Variants in IGHMBP2 observed in about 807,000 individuals in gnomAD.
IGHMBP2 encodes the protein DNA-binding protein SMUBP-2.
In IGHMBP2, 81 loss-of-function variants were observed where a neutral mutation model predicts 96.0. The observed-to-expected ratio is 0.84, with a 90% CI of 0.71 to 1.01. The LOEUF is 1.01. IGHMBP2 is among the 50% of genes least tolerant of loss of function. The pLI is 0.00. For missense variants in IGHMBP2, 1,227 were observed against 1,306.3 expected (o/e 0.94, Z 0.94); for synonymous variants, 557 against 548.9 (o/e 1.01, Z -0.21).
chr11:68,908,376 C>G, intron 3 of IGHMBP2, 39 bp downstream of exon 3: 2 of 1,577,248 alleles, frequency 1.3e-6, no homozygotes, highest in Non-Finnish European at 1.7e-6. Flanking sequence ...TACCATCTTC[C>G]TTCAACACAG....
chr11:68,916,725 T>A (rs960140171), intron 6 of IGHMBP2, among the ~76,000 whole-genome samples: 3 of 152,028 alleles, frequency 2.0e-5, no homozygotes, highest in African/African-American at 7.2e-5. Flanking sequence ...GCTGCTTGCA[T>A]GGCAGCGTGG....
chr11:68,929,916 C>T (rs182450351), intron 8 of IGHMBP2: 189 of 975,918 alleles, frequency 1.9e-4, no homozygotes, highest in East Asian at 4.6e-4. Context: ...GACACTGGAG[C>T]CCTGATGCAG....
chr11:68,911,921 C>T (rs577685800), intron 5 of IGHMBP2, among the ~76,000 whole-genome samples: 9 of 152,314 alleles, frequency 5.9e-5, no homozygotes, highest in South Asian at 2.1e-4. Flanking sequence ...CGTGCTCCTC[C>T]GTGTGCACGC....
At position 68,904,911 on chromosome 11, in the gene IGHMBP2, G is replaced by C. The variant is rs1374240012; in HGVS notation, c.86+873G>C. 4.6e-5 allele frequency among the ~76,000 whole-genome samples: 7 copies of C among 150,568 alleles called. No homozygotes were observed. In the East Asian group the frequency reaches 9.8e-4, roughly 21 times the overall value. On this transcript the variant is annotated intron_variant, in intron 1 of 14. Transcript: ENST00000255078. ...TCTCCCGGGTTCAAGCGATTCTCCTGCCTCAGCCTCCTGAGTGGCTGGGAC... is the reference window on the plus strand; with the variant it reads ...TCTCCCGGGTTCAAGCGATTCTCCTCCCTCAGCCTCCTGAGTGGCTGGGAC...
intron 4 of IGHMBP2, 58 bp downstream of exon 4, chr11:68,908,689 A>G: frequency 8.3e-7 from 1 of 1,206,002 alleles, no homozygotes. Context: ...TATAGAGAAC[A>G]GTGTGACCTT....
intron 7 of IGHMBP2, 137 bp from the exon 8 acceptor site, chr11:68,929,046 C>T: frequency 2.3e-6 from 2 of 864,320 alleles, no homozygotes; most frequent in Non-Finnish European, 3.8e-6. Flanking sequence ...GTTTTTATTA[C>T]AAGATACAAA....
chr11:68,925,233 C>T (rs1859022263), intron 7 of IGHMBP2, among the ~76,000 whole-genome samples: 2 of 151,272 alleles, frequency 1.3e-5, no homozygotes, highest in African/African-American at 4.9e-5. Flanking sequence ...GCAGCCTCCT[C>T]CTCCCGGGTT....
intron 7 of IGHMBP2, among the ~76,000 whole-genome samples, chr11:68,921,319 G>A (rs1033028622): frequency 4.6e-5 from 7 of 151,858 alleles, no homozygotes; most frequent in South Asian, 2.1e-4. Flanking sequence ...GGCTGGTCTC[G>A]AACTCCTGGA....
Position 68,935,400 on chromosome 11 carries a change from CT to C in IGHMBP2, c.1736del (p.Phe579SerfsTer45), listed in dbSNP as rs1859486489. 1 of 1,614,122 alleles carries C rather than the reference CT, an allele frequency of 6.2e-7. No homozygotes were observed. Among genetic ancestry groups the C allele is most frequent in the Non-Finnish European group, 8.5e-7 (1 of 1,180,048 alleles). ...GAGAGAAGGAGGCCGTGATACTGTCCTTCGTCAGATCCAACAGGAAAGGTAC... is the reference window on the plus strand; with the variant it reads ...GAGAGAAGGAGGCCGTGATACTGTCCTCGTCAGATCCAACAGGAAAGGTAC... ...GREKEAVILS[F>X]VRSNRKGEVG... On this transcript the variant is annotated frameshift_variant, in exon 12 of 15. Coordinates refer to ENST00000255078, the MANE Select transcript of IGHMBP2 (RefSeq NM_002180.3). LOFTEE classifies it high-confidence loss of function.
At chr11:68,934,778 C>A (rs1594453521) in intron 11 of IGHMBP2, among the ~76,000 whole-genome samples, 1 of 152,234 alleles carries the variant, frequency 6.6e-6, no homozygotes, top group East Asian at 1.9e-4. Flanking sequence ...GGTGCCCCAG[C>A]CTTCTGCACT....
In IGHMBP2 at chr11:68,908,193, C is replaced by T. The variant is rs763391719; in HGVS notation, c.305C>T (p.Ala102Val). Residue 102 changes from alanine to valine, a missense_variant, in exon 3 of 15, where the codon GCC becomes GTC. Ala to Val is a moderately conservative substitution (Grantham distance 64). Coordinates refer to ENST00000255078, the MANE Select transcript of IGHMBP2 (RefSeq NM_002180.3). ...GCTGCTAATGAGGGCAGTCAGCTGG[C>T]CACTGGGATCTTGACCCGGGTCACC... ...YDAANEGSQL[A>V]TGILTRVTQK... The T allele has an allele frequency of 2.5e-6, 4 of 1,613,988 alleles. No individual in the cohort carries two copies. The Admixed American group carries it at 5.0e-5, about 20-fold the overall frequency.
chr11:68,927,167 T>C (rs1859104195), intron 7 of IGHMBP2, among the ~76,000 whole-genome samples: 1 of 152,252 alleles, frequency 6.6e-6, no homozygotes, highest in Non-Finnish European at 1.5e-5. Context: ...TTTTAAATAA[T>C]AGAATGTAGC....
intron 8 of IGHMBP2, chr11:68,930,607 G>A (rs1372649221): frequency 1.2e-6 from 1 of 822,470 alleles, no homozygotes; most frequent in Non-Finnish European, 1.5e-6. Flanking sequence ...TCTCTGGGGT[G>A]TTGATTTTTC....
chr11:68,934,599 G>A, intron 11 of IGHMBP2, 41 bp downstream of exon 11: 1 of 1,438,330 alleles, frequency 7.0e-7, no homozygotes, highest in Non-Finnish European at 9.7e-7. Flanking sequence ...AGCAGCTGGG[G>A]CTCACACAAC....
chr11:68,904,232 T>TC (rs775092472), intron 1 of IGHMBP2, among the ~76,000 whole-genome samples, 194 bp downstream of exon 1: 11 of 152,084 alleles, frequency 7.2e-5, no homozygotes, highest in Non-Finnish European at 1.6e-4. Flanking sequence ...GGCAGCGCGT[T>TC]CCGTTTGGGG....
chr11:68,921,399 A>T (rs1858872163), intron 7 of IGHMBP2, among the ~76,000 whole-genome samples: 1 of 151,980 alleles, frequency 6.6e-6, no homozygotes, highest in South Asian at 2.1e-4. Flanking sequence ...CTCCTGGCCT[A>T]TTTTTGTTTT....
At chr11:68,926,044 C>G (rs571744086) in intron 7 of IGHMBP2, among the ~76,000 whole-genome samples, 1 of 152,198 alleles carries the variant, frequency 6.6e-6, no homozygotes, top group East Asian at 1.9e-4. Flanking sequence ...ATTCTACTCT[C>G]GTCTCCATCT....
intron 1 of IGHMBP2, among the ~76,000 whole-genome samples, chr11:68,905,475 A>G (rs544151470): frequency 8.5e-5 from 13 of 152,352 alleles, no homozygotes; most frequent in African/African-American, 2.6e-4. Context: ...GGACAGAGTC[A>G]GCCCCCATGG....
In IGHMBP2 at chr11:68,936,540, C is replaced by T. The variant is rs1859536175; in HGVS notation, c.2060C>T (p.Ala687Val). ...CGGCAGGAGGGAGGCCAGGAGGCTG[C>T]AGCACCTGCCAGACAGGGCCGGAAG... The part of the protein sequence containing the change: ...SQRQEGGQEA[A>V]APARQGRKKP... Residue 687 changes from alanine to valine, a missense_variant, in exon 13 of 15, where the codon GCA becomes GTA. Ala to Val is a moderately conservative substitution (Grantham distance 64, BLOSUM62 0). Coordinates refer to ENST00000255078, the MANE Select transcript of IGHMBP2 (RefSeq NM_002180.3). The T allele has an allele frequency of 6.2e-7, 1 of 1,612,754 alleles. No homozygotes were observed. Among genetic ancestry groups the T allele is most frequent in the Non-Finnish European group, 8.5e-7 (1 of 1,179,540 alleles).
Sources: gnomAD v4.1 joint callset for allele counts (sites outside exome capture counted in the v4.1 genomes callset) on GRCh38, gnomAD v4.1.1 for gene constraint, MANE v1.5 for transcripts, NCBI Gene and HGNC (gene_info 2026-07-23, HGNC 2026-07-21) for gene names.